Variants in UNC13C observed in about 807,000 individuals in gnomAD.
UNC13C encodes protein unc-13 homolog C.
UNC13C carries 174 observed loss-of-function variants against 245.4 expected under a neutral mutation model. The ratio of observed to expected loss-of-function variants is 0.71; its 90% confidence interval spans 0.63 to 0.80. UNC13C has a LOEUF of 0.80. UNC13C is among the 30% of genes least tolerant of loss of function. UNC13C has a pLI of 0.00. For missense variants in UNC13C, 2,829 were observed against 2,602.9 expected, an observed-to-expected ratio of 1.09 and a Z score of -1.89; for synonymous variants, 992 against 895.1, an observed-to-expected ratio of 1.11 and a Z score of -1.93.
chr15:54,072,807 A>T (rs1422554326), intron 2 of UNC13C, among the ~76,000 whole-genome samples: 1 of 152,202 alleles, frequency 6.6e-6, no homozygotes, highest in Non-Finnish European at 1.5e-5. Context: ...ATAACTGAGT[A>T]ATGAATTTAC....
At chr15:53,843,302 C>G in the UNC13C span, among the ~76,000 whole-genome samples, 1 of 152,028 alleles carries the variant, frequency 6.6e-6, no homozygotes, top group Non-Finnish European at 1.5e-5. Flanking sequence ...CAAAAATTAT[C>G]CAGGCATGGT....
chr15:54,256,797 A>C (rs1567139151), intron 8 of UNC13C, among the ~76,000 whole-genome samples: 1 of 152,198 alleles, frequency 6.6e-6, no homozygotes, highest in Non-Finnish European at 1.5e-5. Flanking sequence ...ATACTTCCTA[A>C]AGCAACAACA....
intron 2 of UNC13C, among the ~76,000 whole-genome samples, chr15:54,129,270 C>T (rs528463906): frequency 6.6e-6 from 1 of 152,136 alleles, no homozygotes; most frequent in Non-Finnish European, 1.5e-5. Flanking sequence ...TACATACATC[C>T]ACACTGCTAG....
At chr15:53,933,543 T>C in the UNC13C span, among the ~76,000 whole-genome samples, 1 of 152,202 alleles carries the variant, frequency 6.6e-6, no homozygotes, top group African/African-American at 2.4e-5. Context: ...TCTGAACGAC[T>C]GGATACATTC....
At chr15:54,283,804 G>T (rs1260728964) in intron 10 of UNC13C, among the ~76,000 whole-genome samples, 1 of 151,884 alleles carries the variant, frequency 6.6e-6, no homozygotes, top group Non-Finnish European at 1.5e-5. Context: ...GGGCGCAGAG[G>T]CTCAGTGCAA....
rs192332364 is a variant in UNC13C, at chr15:54,101,994, C to T, written c.2984-41024C>T. ...TTAAACTGCTTGCCTTTGTTCAGTG[C>T]TCTTTGCATTACAGCATTCTTGCAT... On this transcript the variant is annotated intron_variant, in intron 2 of 32. Transcript: ENST00000260323. 2.6e-3 allele frequency among the ~76,000 whole-genome samples: 390 copies of T among 150,708 alleles called. 4 individuals carry two copies. The highest frequency in any genetic ancestry group is 8.5e-3 in the Admixed American group (128 of 15,020).
At chr15:54,199,815 A>G (rs1479246772) in intron 4 of UNC13C, among the ~76,000 whole-genome samples, 5 of 152,178 alleles carry the variant, frequency 3.3e-5, no homozygotes, top group African/African-American at 1.2e-4. Flanking sequence ...AACAAATACT[A>G]TGATGAATAG....
chr15:54,132,557 G>C (rs950982468), intron 2 of UNC13C, among the ~76,000 whole-genome samples: 2 of 152,158 alleles, frequency 1.3e-5, no homozygotes, highest in Non-Finnish European at 2.9e-5. Flanking sequence ...TAATTCACAA[G>C]ACAGTTTAAG....
intron 29 of UNC13C, among the ~76,000 whole-genome samples, chr15:54,565,931 C>T (rs1366743829): frequency 6.6e-6 from 1 of 151,944 alleles, no homozygotes; most frequent in African/African-American, 2.4e-5. Flanking sequence ...GGTTTTCCTT[C>T]CCTCTCTTCC....
intron 19 of UNC13C, among the ~76,000 whole-genome samples, chr15:54,490,193 T>C (rs1197677036): frequency 6.6e-6 from 1 of 152,196 alleles, no homozygotes; most frequent in Non-Finnish European, 1.5e-5. Context: ...CCCTGATACT[T>C]AGAGTTATCA....
Position 54,332,305 on chromosome 15 carries a change from C to CTGTGTGTGTGTGTGTGTG in UNC13C, c.4494+210_4494+227dup, listed in dbSNP as rs34179914. On this transcript the variant is annotated intron_variant, in intron 15 of 32. Coordinates refer to ENST00000260323, the MANE Select transcript of UNC13C (RefSeq NM_001080534.3). ...GCCCCACGTAGACTACAACAATACT[C>CTGTGTGTGTGTGTGTGTG]TGTGTGTGTGTGTGTGTGTGTGTGT... Among the ~76,000 whole-genome samples the CTGTGTGTGTGTGTGTGTG allele has an allele frequency of 4.6e-3, 673 of 145,658 alleles. 5 individuals carry two copies. The highest frequency in any genetic ancestry group is 0.016 in the African/African-American group (644 of 39,148).
intron 7 of UNC13C, among the ~76,000 whole-genome samples, chr15:54,245,309 G>A (rs199632208): frequency 6.6e-6 from 1 of 152,084 alleles, no homozygotes; most frequent in East Asian, 1.9e-4. Flanking sequence ...AAGGGCTTAT[G>A]TTATATTGTG....
chr15:54,244,198 G>T (rs1410046527), intron 7 of UNC13C, among the ~76,000 whole-genome samples: 1 of 152,068 alleles, frequency 6.6e-6, no homozygotes, highest in East Asian at 1.9e-4. Flanking sequence ...TCTGCATATG[G>T]CTAGCCAGTT....
chr15:53,861,815 G>A, the UNC13C span, among the ~76,000 whole-genome samples: 1 of 152,098 alleles, frequency 6.6e-6, no homozygotes, highest in Non-Finnish European at 1.5e-5. Flanking sequence ...AGGTAAAAGG[G>A]AGAAATGCAA....
At chr15:54,335,873 A>C (rs1567196338) in intron 16 of UNC13C, among the ~76,000 whole-genome samples, 1 of 152,112 alleles carries the variant, frequency 6.6e-6, no homozygotes, top group Non-Finnish European at 1.5e-5. Context: ...CTTGGGTTAA[A>C]TCCTCAGCAG....
intron 30 of UNC13C, among the ~76,000 whole-genome samples, chr15:54,620,323 A>G (rs1363586374): frequency 6.6e-6 from 1 of 152,280 alleles, no homozygotes; most frequent in South Asian, 2.1e-4. Context: ...TTGAGAAAGG[A>G]AAAACTTACA....
At chr15:54,504,357 G>A (rs1469345280) in intron 22 of UNC13C, among the ~76,000 whole-genome samples, 2 of 152,024 alleles carry the variant, frequency 1.3e-5, no homozygotes, top group African/African-American at 2.4e-5. Flanking sequence ...ATTATTATAT[G>A]CTAATCACTT....
chr15:54,198,597 G>T (rs141705161), intron 4 of UNC13C, among the ~76,000 whole-genome samples: 1 of 152,090 alleles, frequency 6.6e-6, no homozygotes, highest in Non-Finnish European at 1.5e-5. Flanking sequence ...GTGGGTAGAC[G>T]CAGAATAACA....
At chr15:54,325,122 A>G (rs1028622807) in intron 14 of UNC13C, among the ~76,000 whole-genome samples, 4 of 152,058 alleles carry the variant, frequency 2.6e-5, no homozygotes, top group Non-Finnish European at 4.4e-5. Context: ...CAATTATTCC[A>G]TAAATATGAT....
Sources: allele counts gnomAD v4.1 joint callset (sites outside exome capture counted in the v4.1 genomes callset), GRCh38; gene constraint gnomAD v4.1.1; transcripts MANE v1.5; gene names NCBI Gene and HGNC (gene_info 2026-07-23, HGNC 2026-07-21).